The following CCNI variants were observed in gnomAD, a reference collection of about 807,000 sequenced individuals.
The protein encoded by CCNI is cyclin-I.
In CCNI, 14 loss-of-function variants were observed where a neutral mutation model predicts 34.1. The ratio of observed to expected loss-of-function variants is 0.41; its 90% confidence interval spans 0.27 to 0.64. The LOEUF is 0.64. Among genes scored for constraint, CCNI ranks in the 30% least tolerant of loss-of-function variants. The pLI is 0.31. For synonymous variants in CCNI, 154 were observed against 158.4 expected (o/e 0.97, Z 0.21); for missense variants, 385 against 440.5 (o/e 0.87, Z 1.13).
rs375385241 is a variant in CCNI at position 77,048,666 on chromosome 4, G to A, written c.691-4C>T. 8 of 1,508,856 alleles carry A rather than the reference G, an allele frequency of 5.3e-6. No homozygotes were observed. The African/African-American group carries it at 8.6e-5, about 16-fold the overall frequency. 93.5% of individuals were successfully genotyped at this position (1,508,856 alleles called of 1,614,324 possible). ...GGATCAACTGGGAGCTATCCATCTG[G>A]GCCAGGAAAAAAAAAAAGCCACACA... On this transcript the variant is annotated splice_region_variant and splice_polypyrimidine_tract_variant and intron_variant, in intron 6 of 6. Transcript: ENST00000237654.
intron 2 of CCNI, among the ~76,000 whole-genome samples, chr4:77,064,113 G>A (rs1728833474): frequency 6.6e-6 from 1 of 152,046 alleles, no homozygotes; most frequent in East Asian, 1.9e-4. Flanking sequence ...ATGGTGGCGG[G>A]TGCCTGTTAA....
At position 77,048,165 on chromosome 4, in the gene CCNI, T is replaced by C; in HGVS notation, c.*54A>G. 7.1e-7 allele frequency: 1 copy of C among 1,404,418 alleles called. No individual in the cohort carries two copies. Among genetic ancestry groups the C allele is most frequent in the Non-Finnish European group, 9.8e-7 (1 of 1,015,878 alleles). The allele number at this position is 1,404,418 out of a possible 1,614,324, so 87.0% of individuals were successfully genotyped here. A position where few individuals can be genotyped will look rare whatever the true frequency, so the allele number is the denominator to read the frequency against. On this transcript the variant is annotated 3_prime_UTR_variant, in exon 7 of 7. Coordinates refer to ENST00000237654, the MANE Select transcript of CCNI (RefSeq NM_006835.3). ...CAGCCTTTCCTGATTTTGCATGTTC[T>C]CATTCCCAAAGTAGTCTACCTTAGT... is the stretch of plus-strand genomic sequence containing the variant.
chr4:77,075,462 C>T lies in CCNI; in HGVS notation c.-44+10G>A, dbSNP rs1729852596. 3 of 814,298 alleles carry T rather than the reference C, an allele frequency of 3.7e-6. No individual in the cohort carries two copies. Among genetic ancestry groups the T allele is most frequent in the African/African-American group, 3.8e-5 (2 of 53,206 alleles). 50.4% of individuals were successfully genotyped at this position (814,298 alleles called of 1,614,324 possible). ...CGCGTCGAGCCCCCGCCCCCGCCCC[C>T]GCCCCTCACCTTCTCCTCCTCTTCC... On this transcript the variant is annotated intron_variant, in intron 1 of 6. Transcript: ENST00000237654.
chr4:77,053,372 A>C (rs1727996883), intron 6 of CCNI, among the ~76,000 whole-genome samples: 2 of 152,346 alleles, frequency 1.3e-5, no homozygotes, highest in Non-Finnish European at 2.9e-5. Flanking sequence ...GCTATAAAAT[A>C]AAGGAGGTGA....
At chr4:77,057,474 T>A (rs1398458545) in intron 3 of CCNI, among the ~76,000 whole-genome samples, 1 of 152,234 alleles carries the variant, frequency 6.6e-6, no homozygotes, top group East Asian at 1.9e-4. Context: ...TTACACTCCG[T>A]AATTATTTGG....
At chr4:77,074,269 T>C (rs1300963530) in intron 1 of CCNI, among the ~76,000 whole-genome samples, 1 of 152,208 alleles carries the variant, frequency 6.6e-6, no homozygotes, top group Non-Finnish European at 1.5e-5. Flanking sequence ...TGTATTAGTC[T>C]GCCCTTCATC....
chr4:77,075,808 G>A lies in CCNI; in HGVS notation c.-380C>T, dbSNP rs1386769707. 1 of 152,452 alleles carries A rather than the reference G, an allele frequency of 6.6e-6. No homozygotes were observed. The highest frequency in any genetic ancestry group is 1.5e-5 in the Non-Finnish European group (1 of 68,382). The allele number at this position is 152,452 out of a possible 1,614,324, so 9.4% of individuals were successfully genotyped here. A position where few individuals can be genotyped will look rare whatever the true frequency, so the allele number is the denominator to read the frequency against. On this transcript the variant is annotated 5_prime_UTR_variant, in exon 1 of 7. Coordinates refer to ENST00000237654, the MANE Select transcript of CCNI (RefSeq NM_006835.3). ...ATAGGGCGGCGGGGGCCGGGGAGAG[G>A]CGGGGGGTGAGACCGGCTCTGCCCC...
chr4:77,056,165 T>G, intron 4 of CCNI, 63 bp from the exon 5 acceptor site: 8 of 1,600,738 alleles, frequency 5.0e-6, no homozygotes, highest in Non-Finnish European at 6.8e-6. Flanking sequence ...TCATTTATGA[T>G]TTTTGTTTTA....
At chr4:77,050,824 A>G (rs1419096966) in intron 6 of CCNI, among the ~76,000 whole-genome samples, 1 of 148,324 alleles carries the variant, frequency 6.7e-6, no homozygotes, top group Non-Finnish European at 1.5e-5. Flanking sequence ...GCTTCTGCCA[A>G]TATTTTAGGA....
intron 1 of CCNI, among the ~76,000 whole-genome samples, chr4:77,067,124 C>T (rs1184504177): frequency 6.6e-6 from 1 of 151,832 alleles, no homozygotes; most frequent in Non-Finnish European, 1.5e-5. Flanking sequence ...CCCAGCTACT[C>T]GGGAGGCTGA....
intron 2 of CCNI, among the ~76,000 whole-genome samples, chr4:77,059,738 T>A (rs1240644497): frequency 1.3e-5 from 2 of 152,188 alleles, no homozygotes; most frequent in Non-Finnish European, 2.9e-5. Context: ...GCTGTAATTC[T>A]GTATCCAGGC....
At position 77,047,981 on chromosome 4, in the gene CCNI, G is replaced by A; in HGVS notation, c.*238C>T. 2.7e-6 allele frequency: 1 copy of A among 368,866 alleles called. No individual in the cohort carries two copies. Among genetic ancestry groups the A allele is most frequent in the Non-Finnish European group, 4.9e-6 (1 of 205,896 alleles). The allele number at this position is 368,866 out of a possible 1,614,324, so 22.8% of individuals were successfully genotyped here. A position where few individuals can be genotyped will look rare whatever the true frequency, so the allele number is the denominator to read the frequency against. On this transcript the variant is annotated 3_prime_UTR_variant, in exon 7 of 7. Transcript: ENST00000237654. Reference sequence around the variant, plus strand: ...GACATACTACAAAGAGATTTTTTAAGTTTAAAAAAAGTTTGGATCTTTTGG... The same window carrying A: ...GACATACTACAAAGAGATTTTTTAAATTTAAAAAAAGTTTGGATCTTTTGG...
chr4:77,055,556 G>C (rs1176159250), intron 5 of CCNI, among the ~76,000 whole-genome samples, 176 bp from the exon 6 acceptor site: 1 of 150,896 alleles, frequency 6.6e-6, no homozygotes, highest in African/African-American at 2.4e-5. Context: ...TCCGCCTCCT[G>C]GATTCAAGCA....
chr4:77,059,341 C>T (rs1728449343), intron 2 of CCNI, among the ~76,000 whole-genome samples: 1 of 150,796 alleles, frequency 6.6e-6, no homozygotes, highest in African/African-American at 2.4e-5. Context: ...TTGGAGTCGC[C>T]ATTAAAAAAA....
chr4:77,055,855 T>C, intron 5 of CCNI, 107 bp downstream of exon 5: 1 of 912,676 alleles, frequency 1.1e-6, no homozygotes, highest in Non-Finnish European at 1.7e-6. Flanking sequence ...TATCAAGTTT[T>C]CTTTTTCCTA....
intron 1 of CCNI, among the ~76,000 whole-genome samples, chr4:77,072,498 T>C (rs1258660970): frequency 6.8e-6 from 1 of 146,938 alleles, no homozygotes; most frequent in East Asian, 2.0e-4. Context: ...CCAGGCATGA[T>C]GTCACACACC....
At chr4:77,050,103 CA>C (rs1727725867) in intron 6 of CCNI, among the ~76,000 whole-genome samples, 1 of 152,184 alleles carries the variant, frequency 6.6e-6, no homozygotes, top group Non-Finnish European at 1.5e-5. Flanking sequence ...TCTTGCTCAA[CA>C]GTCCTGCTCT....
At chr4:77,057,681 G>C (rs1421460145) in intron 3 of CCNI, among the ~76,000 whole-genome samples, 2 of 152,020 alleles carry the variant, frequency 1.3e-5, no homozygotes, top group Non-Finnish European at 2.9e-5. Context: ...ATGGCAATGG[G>C]GACAATATAA....
chr4:77,064,587 A>ACACACACGCG (rs1560780178), intron 2 of CCNI: 2 of 56,666 alleles, frequency 3.5e-5, no homozygotes, highest in African/African-American at 1.4e-4. Flanking sequence ...GCGCGCGCGC[A>ACACACACGCG]CACACACACA....
Sources: allele counts gnomAD v4.1 joint callset (sites outside exome capture counted in the v4.1 genomes callset), GRCh38; gene constraint gnomAD v4.1.1; transcripts MANE v1.5; gene names NCBI Gene and HGNC (gene_info 2026-07-23, HGNC 2026-07-21).